Variants in CIMAP2 observed in about 807,000 individuals in gnomAD.
The protein encoded by CIMAP2 is ciliary microtubule-associated protein 2.
the CIMAP2 span, chr1:54,841,850 TA>T: frequency 1.9e-6 from 3 of 1,552,766 alleles, no homozygotes; most frequent in African/African-American, 4.1e-5. Context: ...AACTGTGGAT[TA>T]CAATTCAGAT....
the CIMAP2 span, among the ~76,000 whole-genome samples, chr1:54,828,989 G>C: frequency 6.6e-6 from 1 of 152,122 alleles, no homozygotes; most frequent in Non-Finnish European, 1.5e-5. Flanking sequence ...TAAGATAGAA[G>C]AATAATGATC....
chr1:54,807,175 AG>A, the CIMAP2 span: 1 of 1,343,808 alleles, frequency 7.4e-7, no homozygotes, highest in Non-Finnish European at 1.1e-6. Flanking sequence ...GAGCTGTAGA[AG>A]GGGCGTACTT....
At chr1:54,807,618 C>T in the CIMAP2 span, 1 of 1,610,534 alleles carries the variant, frequency 6.2e-7, no homozygotes, top group Non-Finnish European at 8.5e-7. Context: ...GGGCCAAGGC[C>T]CAGGAAGCCA....
chr1:54,809,095 T>C, the CIMAP2 span, among the ~76,000 whole-genome samples: 762 of 152,280 alleles, frequency 5.0e-3, 2 homozygotes, highest in African/African-American at 0.017. Flanking sequence ...CAATAAGTAT[T>C]TGTGGACTGA....
chr1:54,825,177 A>G, the CIMAP2 span, among the ~76,000 whole-genome samples: 317 of 149,264 alleles, frequency 2.1e-3, no homozygotes, highest in African/African-American at 6.1e-3. Context: ...CAACCTCCCG[A>G]GTAGCTGAGA....
chr1:54,809,440 A>G, the CIMAP2 span, among the ~76,000 whole-genome samples: 1 of 152,248 alleles, frequency 6.6e-6, no homozygotes, highest in Non-Finnish European at 1.5e-5. Flanking sequence ...TTACCGTCCA[A>G]TCTAAAGTAA....
chr1:54,822,182 G>A, the CIMAP2 span, among the ~76,000 whole-genome samples: 1,255 of 98,762 alleles, frequency 0.013, 236 homozygotes, highest in East Asian at 0.21. Context: ...ACAGGCGTGA[G>A]CCACCGCGCC....
chr1:54,811,766 C>CCGGGGGGGGGGGGG, the CIMAP2 span: 57 of 1,305,150 alleles, frequency 4.4e-5, no homozygotes, highest in Non-Finnish European at 5.6e-5. Context: ...GTTCTGACAG[C>CCGGGGGGGGGGGGG]CTCCATGCCC....
At chr1:54,809,770 G>A in the CIMAP2 span, among the ~76,000 whole-genome samples, 1 of 151,998 alleles carries the variant, frequency 6.6e-6, no homozygotes, top group African/African-American at 2.4e-5. Context: ...GAGCTAGGGG[G>A]ACAAGCCTGA....
the CIMAP2 span, among the ~76,000 whole-genome samples, chr1:54,823,427 TA>T: frequency 6.6e-6 from 1 of 152,178 alleles, no homozygotes; most frequent in Non-Finnish European, 1.5e-5. Flanking sequence ...TTTTGTGGAA[TA>T]TTTTTTTCCA....
At chr1:54,836,070 T>C in the CIMAP2 span, among the ~76,000 whole-genome samples, 2 of 151,978 alleles carry the variant, frequency 1.3e-5, no homozygotes, top group African/African-American at 2.4e-5. Flanking sequence ...AAGCTCAGCA[T>C]GTGGAGTCCT....
At chr1:54,824,993 A>G in the CIMAP2 span, among the ~76,000 whole-genome samples, 1 of 145,644 alleles carries the variant, frequency 6.9e-6, no homozygotes, top group South Asian at 2.2e-4. Flanking sequence ...TGCATCTAGT[A>G]TAACAGTCAC....
At chr1:54,834,193 C>T in the CIMAP2 span, among the ~76,000 whole-genome samples, 1 of 152,202 alleles carries the variant, frequency 6.6e-6, no homozygotes, top group African/African-American at 2.4e-5. Context: ...AACTCCTATT[C>T]ACCCATCTAT....
At chr1:54,841,787 C>G in the CIMAP2 span, 3 of 1,596,878 alleles carry the variant, frequency 1.9e-6, no homozygotes, top group Non-Finnish European at 2.6e-6. Flanking sequence ...TTAATTTTTT[C>G]TGTCTTTTTA....
At chr1:54,821,089 T>C in the CIMAP2 span, among the ~76,000 whole-genome samples, 1 of 152,010 alleles carries the variant, frequency 6.6e-6, no homozygotes, top group African/African-American at 2.4e-5. Context: ...TTAAATGGGA[T>C]TATTATTATT....
chr1:54,814,916 C>T, the CIMAP2 span: 15 of 1,614,018 alleles, frequency 9.3e-6, no homozygotes, highest in Non-Finnish European at 1.0e-5. Flanking sequence ...ACTCGTAGGC[C>T]ACATCTGGCC....
At chr1:54,808,990 G>GTTTAGCATCCCTCCCCAC in the CIMAP2 span, among the ~76,000 whole-genome samples, 7 of 147,038 alleles carry the variant, frequency 4.8e-5, no homozygotes, top group Admixed American at 1.4e-4. Context: ...TCTTGTGTGT[G>GTTTAGCATCCCTCCCCAC]ACTGGACAGC....
the CIMAP2 span, chr1:54,811,765 G>GCCGGGGGGGCGGGGGCCCCC: frequency 7.7e-7 from 1 of 1,301,332 alleles, no homozygotes; most frequent in Non-Finnish European, 1.1e-6. Flanking sequence ...GGTTCTGACA[G>GCCGGGGGGGCGGGGGCCCCC]CCTCCATGCC....
the CIMAP2 span, among the ~76,000 whole-genome samples, chr1:54,841,288 A>T: frequency 1.3e-5 from 2 of 152,230 alleles, no homozygotes; most frequent in African/African-American, 4.8e-5. Flanking sequence ...GCTGTTTGAC[A>T]CACACAGCAA....
Sources: allele counts gnomAD v4.1 joint callset (sites outside exome capture counted in the v4.1 genomes callset), GRCh38; gene constraint gnomAD v4.1.1; transcripts MANE v1.5; gene names NCBI Gene and HGNC (gene_info 2026-07-23, HGNC 2026-07-21).